The following SRL variants were observed in gnomAD, a reference collection of about 807,000 sequenced individuals.
SRL encodes the protein sarcalumenin.
Under a neutral mutation model 39.5 loss-of-function variants are expected in SRL, and 23 were observed. That is an observed-to-expected ratio of 0.58 (90% confidence interval 0.42 to 0.82). SRL has a LOEUF of 0.82. SRL is among the 40% of genes least tolerant of loss of function. The pLI, the probability that SRL is intolerant of heterozygous loss-of-function variation, is 0.00. For synonymous variants in SRL, 272 were observed against 237.4 expected (o/e 1.15, Z -1.34); for missense variants, 592 against 607.8 (o/e 0.97, Z 0.27).
Position 4,192,628 on chromosome 16 carries a change from T to C in SRL, c.947A>G (p.Glu316Gly), listed in dbSNP as rs771943521. ...GTTCTCGATCACCTGATTCAGGTCT[T>C]CTAGGAGGGAGATCTCTTCTTGGAG... ...LFLQEEISLL[E>G]DLNQVIENRL... The change falls in exon 6 of 6, where the codon GAA becomes GGA. Residue 316 changes from glutamate (E) to glycine (G), a missense_variant. Coordinates refer to ENST00000399609, the MANE Select transcript of SRL (RefSeq NM_001098814.2). The surrounding 1 kb of genome is among the most constrained non-coding windows in gnomAD (Gnocchi z 4.0). 15 of 1,614,104 alleles carry C rather than the reference T, an allele frequency of 9.3e-6. No individual in the cohort carries two copies. The South Asian group carries it at 1.5e-4, about 17-fold the overall frequency.
intron 1 of SRL, chr16:4,207,915 G>A (rs770385562): frequency 3.5e-5 from 16 of 456,748 alleles, no homozygotes; most frequent in South Asian, 1.2e-4. Flanking sequence ...GGCGGCAGAC[G>A]CGGGGGTCTT....
At chr16:4,213,108 T>A (rs1403494797) in intron 1 of SRL, among the ~76,000 whole-genome samples, 1 of 152,102 alleles carries the variant, frequency 6.6e-6, no homozygotes, top group African/African-American at 2.4e-5. Flanking sequence ...TTTGCCCCCA[T>A]GGAGTTCACA....
intron 5 of SRL, among the ~76,000 whole-genome samples, chr16:4,193,948 T>A (rs901802796): frequency 3.3e-5 from 5 of 150,168 alleles, no homozygotes; most frequent in Middle Eastern, 3.3e-3. Context: ...TATACTATAA[T>A]ATTATTACTA....
intron 2 of SRL, among the ~76,000 whole-genome samples, chr16:4,203,747 C>T (rs1392679955): frequency 1.3e-5 from 2 of 152,134 alleles, no homozygotes; most frequent in Non-Finnish European, 2.9e-5. Flanking sequence ...TGTCTGAAAC[C>T]TTGTCTCGGC....
At chr16:4,206,831 C>T (rs930987571) in intron 1 of SRL, 6 of 456,682 alleles carry the variant, frequency 1.3e-5, no homozygotes, top group Non-Finnish European at 2.6e-5. Flanking sequence ...TATTCAATTC[C>T]TCCGGGCCAG....
At chr16:4,203,493 T>C (rs949920096) in intron 2 of SRL, among the ~76,000 whole-genome samples, 6 of 152,144 alleles carry the variant, frequency 3.9e-5, no homozygotes, top group Non-Finnish European at 5.9e-5. Flanking sequence ...CCCCAAAGCT[T>C]CCTGAACTGT....
At chr16:4,226,281 G>T (rs1281749160) in intron 1 of SRL, among the ~76,000 whole-genome samples, 1 of 152,198 alleles carries the variant, frequency 6.6e-6, no homozygotes, top group Non-Finnish European at 1.5e-5. Context: ...TGGATGGATG[G>T]GTGGATGAAC....
chr16:4,217,490 G>A (rs188893284), intron 1 of SRL, among the ~76,000 whole-genome samples: 2 of 152,266 alleles, frequency 1.3e-5, no homozygotes, highest in Admixed American at 6.5e-5. Flanking sequence ...GGGCTCAAGC[G>A]ATCCTCCAGC....
intron 1 of SRL, among the ~76,000 whole-genome samples, chr16:4,230,037 T>C (rs1449267699): frequency 1.3e-5 from 2 of 152,070 alleles, no homozygotes; most frequent in African/African-American, 4.8e-5. Flanking sequence ...CTTTCCCCTC[T>C]CTACCTCACC....
At chr16:4,241,646 C>T (rs950077196) in intron 1 of SRL, among the ~76,000 whole-genome samples, 17 of 152,194 alleles carry the variant, frequency 1.1e-4, no homozygotes, top group Admixed American at 1.0e-3. Flanking sequence ...CAACGACCTC[C>T]AGCTCCCAGA....
At chr16:4,202,437 C>CA (rs1258362909) in intron 3 of SRL, among the ~76,000 whole-genome samples, 1 of 151,928 alleles carries the variant, frequency 6.6e-6, no homozygotes, top group African/African-American at 2.4e-5. Context: ...ACTAAAAATA[C>CA]AAAAAATTGG....
At chr16:4,195,425 C>T (rs11076823) in intron 5 of SRL, 128 bp downstream of exon 5, 448,886 of 913,008 alleles carry the variant, frequency 0.49, 111,858 homozygotes, top group South Asian at 0.62. Context: ...CTTGAACCTC[C>T]GGCCTCAAGG....
At chr16:4,222,046 C>T (rs1359112553) in intron 1 of SRL, among the ~76,000 whole-genome samples, 1 of 152,200 alleles carries the variant, frequency 6.6e-6, no homozygotes, top group East Asian at 1.9e-4. Context: ...GGGGTTAGGA[C>T]TTCAACACAT....
In SRL at chr16:4,192,438, G is replaced by A. The variant is rs1298644234; in HGVS notation, c.1137C>T (p.Tyr379=). ...TCTTTGCCAGGATGGTCTTGAAGAT[G>A]TAGAATTTATCGGGATCTTCCACAA... is the stretch of plus-strand genomic sequence containing the variant. The part of the protein sequence containing the change: ...KDIVEDPDKF[Y]IFKTILAKTN... Residue 379 remains tyrosine, a synonymous_variant, in exon 6 of 6, where the codon TAC becomes TAT. Coordinates refer to ENST00000399609, the MANE Select transcript of SRL (RefSeq NM_001098814.2). This position sits in a 1 kb window ranked among gnomAD's most constrained non-coding sequence, Gnocchi z 4.0. 1.2e-6 allele frequency: 2 copies of A among 1,614,240 alleles called. No homozygotes were observed. Among genetic ancestry groups the A allele is most frequent in the East Asian group, 2.2e-5 (1 of 44,892 alleles).
intron 1 of SRL, among the ~76,000 whole-genome samples, chr16:4,223,657 A>T (rs2052556116): frequency 6.6e-6 from 1 of 151,712 alleles, no homozygotes. Context: ...TAGGGCTGAG[A>T]TTACAGAAAG....
At chr16:4,216,561 G>A (rs11862084) in intron 1 of SRL, among the ~76,000 whole-genome samples, 20,266 of 152,168 alleles carry the variant, frequency 0.13, 2,397 homozygotes, top group African/African-American at 0.32. Context: ...CATGAGCCAC[G>A]ATGCCCAGCC....
intron 3 of SRL, among the ~76,000 whole-genome samples, chr16:4,200,710 G>A (rs934135913): frequency 3.3e-5 from 5 of 152,210 alleles, no homozygotes; most frequent in African/African-American, 1.2e-4. Flanking sequence ...AAAGGGGGGC[G>A]ATAATTGGCT....
intron 1 of SRL, among the ~76,000 whole-genome samples, chr16:4,234,969 A>C (rs556971683): frequency 6.6e-6 from 1 of 152,184 alleles, no homozygotes; most frequent in African/African-American, 2.4e-5. Flanking sequence ...ATCCTCTGAA[A>C]CACAGACAGA....
At chr16:4,202,958 A>G (rs983987881) in intron 3 of SRL, among the ~76,000 whole-genome samples, 19 of 152,190 alleles carry the variant, frequency 1.2e-4, no homozygotes, top group Non-Finnish European at 1.5e-5. Flanking sequence ...TGTGCTGGTG[A>G]AAGGGTAGTT....
Sources: gnomAD v4.1 joint callset for allele counts (sites outside exome capture counted in the v4.1 genomes callset) on GRCh38, gnomAD v4.1.1 for gene constraint, Gnocchi (gnomAD v3.1) non-coding constraint, MANE v1.5 for transcripts, NCBI Gene and HGNC (gene_info 2026-07-23, HGNC 2026-07-21) for gene names.